AKAIN1: variants seen among roughly 807,000 people sequenced by gnomAD.
AKAIN1 encodes the protein A-kinase anchor inhibitor 1.
Under a neutral mutation model 3.7 loss-of-function variants are expected in AKAIN1, and 3 were observed. That is an observed-to-expected ratio of 0.82 (90% CI 0.37 to 2.12). AKAIN1 has a LOEUF of 2.12. Among genes scored for constraint, AKAIN1 ranks in the 30% most tolerant of loss-of-function variants. The pLI, the probability that AKAIN1 is intolerant of heterozygous loss-of-function variation, is 0.06. For missense variants in AKAIN1, 82 were observed against 82.7 expected, an observed-to-expected ratio of 0.99 and a Z score of 0.03; for synonymous variants, 31 against 30.8, an observed-to-expected ratio of 1.01 and a Z score of -0.02.
chr18:5,166,439 A>G (rs979730527), intron 1 of AKAIN1, among the ~76,000 whole-genome samples: 8 of 151,970 alleles, frequency 5.3e-5, no homozygotes, highest in African/African-American at 1.2e-4. Context: ...TCCCTCTCCC[A>G]TATAGACACA....
chr18:5,197,026 G>C lies in AKAIN1; in HGVS notation c.16+12C>G, dbSNP rs896536507. The C allele has an allele frequency of 1.9e-6, 3 of 1,549,358 alleles. No homozygotes were observed. Among genetic ancestry groups the C allele is most frequent in the African/African-American group, 2.7e-5 (2 of 72,984 alleles). ...TCCTAGACACTTGGTGAAAAAGCAA[G>C]GTGCGGTGTACCTGGAGCGAACACC... On this transcript the variant is annotated intron_variant, in intron 1 of 1. Coordinates refer to ENST00000434239, the MANE Select transcript of AKAIN1 (RefSeq NM_001145194.2). The surrounding 1 kb of genome is among the most constrained non-coding windows in gnomAD (Gnocchi z 6.9).
At chr18:5,177,967 C>T (rs1505964) in intron 1 of AKAIN1, among the ~76,000 whole-genome samples, 55,651 of 151,876 alleles carry the variant, frequency 0.37, 11,842 homozygotes, top group East Asian at 0.5. Flanking sequence ...TGGGCCCTGT[C>T]TTATTCCTTC....
upstream of AKAIN1, chr18:5,197,394 G>C (rs1219408773): frequency 7.9e-7 from 1 of 1,259,856 alleles, no homozygotes; most frequent in East Asian, 3.2e-5. This position sits in a 1 kb window ranked among gnomAD's most constrained non-coding sequence, Gnocchi z 6.9. Context: ...AAGGTCGGAA[G>C]AGCAAGAGAG....
intron 1 of AKAIN1, among the ~76,000 whole-genome samples, chr18:5,178,875 G>A (rs1325517586): frequency 6.6e-6 from 1 of 152,150 alleles, no homozygotes; most frequent in Non-Finnish European, 1.5e-5. Flanking sequence ...AATGGGGTGA[G>A]CTGGAACAGG....
chr18:5,191,264 CAACTT>C (rs2071316917), intron 1 of AKAIN1, among the ~76,000 whole-genome samples: 1 of 152,174 alleles, frequency 6.6e-6, no homozygotes, highest in Admixed American at 6.5e-5. Context: ...AAGGAATCTA[CAACTT>C]ATCTCTTACA....
intron 1 of AKAIN1, among the ~76,000 whole-genome samples, chr18:5,160,399 C>T (rs906978546): frequency 6.6e-6 from 1 of 151,968 alleles, no homozygotes; most frequent in Non-Finnish European, 1.5e-5. Context: ...TATGAGGTAC[C>T]CGTTTAAGTT....
At chr18:5,153,550 C>T (rs956713134) in intron 1 of AKAIN1, among the ~76,000 whole-genome samples, 2 of 152,064 alleles carry the variant, frequency 1.3e-5, no homozygotes, top group Admixed American at 6.5e-5. Context: ...ACAGTATTTT[C>T]AGTCTTTAGG....
chr18:5,186,850 C>T (rs1341372522), intron 1 of AKAIN1, among the ~76,000 whole-genome samples: 1 of 152,086 alleles, frequency 6.6e-6, no homozygotes, highest in African/African-American at 2.4e-5. Context: ...ATTATCCAAT[C>T]ATAATAGAAT....
chr18:5,154,520 C>CTCTA (rs1414457887), intron 1 of AKAIN1, among the ~76,000 whole-genome samples: 8 of 152,112 alleles, frequency 5.3e-5, no homozygotes, highest in Admixed American at 5.2e-4. Context: ...TCAGTAGGAA[C>CTCTA]TCTAGAAAAT....
At chr18:5,181,841 G>C (rs1359182809) in intron 1 of AKAIN1, among the ~76,000 whole-genome samples, 1 of 152,044 alleles carries the variant, frequency 6.6e-6, no homozygotes, top group Non-Finnish European at 1.5e-5. Context: ...ATCTGGCTCT[G>C]ATATAAGACC....
intron 1 of AKAIN1, among the ~76,000 whole-genome samples, chr18:5,185,292 T>G (rs139916563): frequency 5.3e-5 from 8 of 152,168 alleles, no homozygotes; most frequent in African/African-American, 1.7e-4. Flanking sequence ...CTGGCAAAGA[T>G]TTCATGAAGA....
intron 1 of AKAIN1, among the ~76,000 whole-genome samples, chr18:5,168,875 AAAAAGC>A (rs1417790077): frequency 1.5e-4 from 23 of 148,642 alleles, no homozygotes; most frequent in African/African-American, 5.7e-4. Context: ...AAAAAAAAAA[AAAAAGC>A]AAACAAACAA....
At chr18:5,151,513 T>G (rs548387215) in intron 1 of AKAIN1, among the ~76,000 whole-genome samples, 4 of 152,188 alleles carry the variant, frequency 2.6e-5, no homozygotes, top group Non-Finnish European at 4.4e-5. Context: ...GCTATTCCCC[T>G]GTGCACCATT....
At chr18:5,168,531 A>G (rs1031444029) in intron 1 of AKAIN1, among the ~76,000 whole-genome samples, 5 of 152,072 alleles carry the variant, frequency 3.3e-5, no homozygotes, top group African/African-American at 1.2e-4. Flanking sequence ...CCTCAGTACC[A>G]CACTGTCTTT....
intron 1 of AKAIN1, among the ~76,000 whole-genome samples, chr18:5,181,440 T>C (rs2071258102): frequency 6.6e-6 from 1 of 152,198 alleles, no homozygotes; most frequent in African/African-American, 2.4e-5. Context: ...ACAGTTCTAC[T>C]TTGGCATTTA....
At chr18:5,197,354 G>A, upstream of AKAIN1, 2 of 1,259,284 alleles carry the variant, frequency 1.6e-6, no homozygotes, top group Non-Finnish European at 2.0e-6. The surrounding 1 kb of genome is among the most constrained non-coding windows in gnomAD (Gnocchi z 6.9). Flanking sequence ...TGCTTAGGGA[G>A]CAAAGCACTT....
intron 1 of AKAIN1, among the ~76,000 whole-genome samples, chr18:5,160,244 C>T (rs1316559523): frequency 3.3e-5 from 5 of 152,288 alleles, no homozygotes; most frequent in Admixed American, 2.6e-4. Flanking sequence ...AAATTCTAAC[C>T]AATACCTAGT....
intron 1 of AKAIN1, among the ~76,000 whole-genome samples, chr18:5,148,225 C>T (rs890157141): frequency 1.3e-5 from 2 of 152,158 alleles, no homozygotes; most frequent in Non-Finnish European, 2.9e-5. Flanking sequence ...ATTGCTCTCT[C>T]GTGTAACAGT....
At chr18:5,156,432 G>T (rs903958990) in intron 1 of AKAIN1, among the ~76,000 whole-genome samples, 1 of 152,112 alleles carries the variant, frequency 6.6e-6, no homozygotes, top group Non-Finnish European at 1.5e-5. Context: ...AGTCCCTGGA[G>T]GAAGTGAGTA....
Sources: allele counts gnomAD v4.1 joint callset (sites outside exome capture counted in the v4.1 genomes callset), GRCh38; gene constraint gnomAD v4.1.1; non-coding constraint Gnocchi (gnomAD v3.1); transcripts MANE v1.5; gene names NCBI Gene and HGNC (gene_info 2026-07-23, HGNC 2026-07-21).